The following AATF variants were observed in gnomAD, a reference collection of about 807,000 sequenced individuals.
The protein encoded by AATF is protein AATF.
AATF carries 48 observed loss-of-function variants against 63.7 expected under a neutral mutation model. That is an observed-to-expected ratio of 0.75 (90% CI 0.60 to 0.96). The LOEUF (loss-of-function observed/expected upper bound fraction) is 0.96, where lower values mean the gene tolerates loss of function less well. Among genes scored for constraint, AATF ranks in the 40% least tolerant of loss-of-function variants. The pLI is 0.00. For synonymous variants in AATF, 258 were observed against 247.7 expected (o/e 1.04, Z -0.39); for missense variants, 639 against 685.7 (o/e 0.93, Z 0.76).
chr17:36,953,719 C>T (rs1196000280), intron 3 of AATF, 51 bp from the exon 4 acceptor site: 2 of 1,584,746 alleles, frequency 1.3e-6, no homozygotes, highest in Admixed American at 3.6e-5. Context: ...GCCACCTCAC[C>T]CCCAGAATAT....
At chr17:36,953,720 C>G (rs1567962892) in intron 3 of AATF, 50 bp from the exon 4 acceptor site, 1 of 1,587,464 alleles carries the variant, frequency 6.3e-7, no homozygotes, top group Non-Finnish European at 8.6e-7. Flanking sequence ...CCACCTCACC[C>G]CCAGAATATT....
chr17:37,052,093 C>G (rs2071757121), intron 11 of AATF, among the ~76,000 whole-genome samples: 2 of 152,126 alleles, frequency 1.3e-5, no homozygotes, highest in Non-Finnish European at 1.5e-5. Flanking sequence ...GTGGACACTC[C>G]CACTGACCAT....
chr17:36,982,233 G>GTTTTTT (rs61030839), intron 4 of AATF, among the ~76,000 whole-genome samples: 1 of 121,756 alleles, frequency 8.2e-6, no homozygotes, highest in African/African-American at 2.9e-5. Context: ...TTTTTGTTTT[G>GTTTTTT]TTTTTTTTTT....
rs74971365 is a variant in AATF at position 36,986,029 on chromosome 17, C to T, written c.833-588C>T. 1.5e-3 allele frequency among the ~76,000 whole-genome samples: 227 copies of T among 152,192 alleles called. 5 individuals are homozygous for T. In the East Asian group the frequency reaches 0.04, roughly 27 times the overall value. On this transcript the variant is annotated intron_variant, in intron 4 of 11. Coordinates refer to ENST00000619387, the MANE Select transcript of AATF (RefSeq NM_012138.4). The stretch of plus-strand genomic sequence containing the variant: ...AAAGTGATTCATTAGCTTGGGTTTT[C>T]GTATGTGAACAGGAACTTTTCCATA...
intron 10 of AATF, among the ~76,000 whole-genome samples, chr17:37,022,907 C>T (rs890289985): frequency 2.0e-5 from 3 of 152,126 alleles, no homozygotes; most frequent in Admixed American, 1.3e-4. Context: ...TTTACTGACA[C>T]GTCTCTTCCG....
intron 10 of AATF, among the ~76,000 whole-genome samples, chr17:37,024,607 T>G (rs2071497432): frequency 6.6e-6 from 1 of 152,202 alleles, no homozygotes; most frequent in Non-Finnish European, 1.5e-5. Flanking sequence ...TTCTGTAGAC[T>G]GTAGTGAGTC....
At chr17:37,041,667 G>A (rs953680101) in intron 11 of AATF, among the ~76,000 whole-genome samples, 5 of 152,004 alleles carry the variant, frequency 3.3e-5, no homozygotes, top group Non-Finnish European at 7.4e-5. Context: ...TATTACACCC[G>A]GCTAATTTTG....
intron 1 of AATF, among the ~76,000 whole-genome samples, chr17:36,949,902 G>A (rs1163585954): frequency 6.6e-6 from 1 of 152,258 alleles, no homozygotes; most frequent in African/African-American, 2.4e-5. Flanking sequence ...ATGGGACAGA[G>A]TGAGGGGAGA....
rs374540075 is a variant in AATF at position 37,056,615 on chromosome 17, G to T, written c.1634G>T (p.Arg545Leu). 6.2e-7 allele frequency: 1 copy of T among 1,614,140 alleles called. No homozygotes were observed. The highest frequency in any genetic ancestry group is 1.1e-5 in the South Asian group (1 of 91,084). Reference protein sequence around the residue: ...MNDDARTELYRSLFGQLHPPD... With the variant: ...MNDDARTELYLSLFGQLHPPD... ...TTGTCTTTTAGGACAGAACTGTACC[G>T]CTCTCTTTTTGGCCAGCTCCACCCT... is the stretch of plus-strand genomic sequence containing the variant. Residue 545 changes from arginine (R) to leucine (L), a missense_variant, in exon 12 of 12, where the codon CGC becomes CTC. By Grantham distance (102) the Arg-to-Leu change is moderately radical. Transcript: ENST00000619387.
Position 37,056,573 on chromosome 17 carries a change from T to C in AATF, c.1620-28T>C, listed in dbSNP as rs763148162. 7 of 1,613,152 alleles carry C rather than the reference T, an allele frequency of 4.3e-6. No homozygotes were observed. In the Middle Eastern group the frequency reaches 6.6e-4, roughly 152 times the overall value. The stretch of plus-strand genomic sequence containing the variant: ...AACCTTGAATAGTGAACCAGTGTGT[T>C]AACCAGTTTGCTGTGTTTGTCTTTT... On this transcript the variant is annotated intron_variant, in intron 11 of 11. Coordinates refer to ENST00000619387, the MANE Select transcript of AATF (RefSeq NM_012138.4).
intron 4 of AATF, among the ~76,000 whole-genome samples, chr17:36,980,703 C>T (rs1421158485): frequency 6.6e-6 from 1 of 151,772 alleles, no homozygotes; most frequent in African/African-American, 2.4e-5. Context: ...GAGAGTCTTT[C>T]CCTCACTCTT....
At chr17:36,956,182 A>C (rs1027718485) in intron 4 of AATF, among the ~76,000 whole-genome samples, 1 of 152,174 alleles carries the variant, frequency 6.6e-6, no homozygotes, top group African/African-American at 2.4e-5. Flanking sequence ...AATTAATCTG[A>C]CAGCATCTAT....
intron 4 of AATF, among the ~76,000 whole-genome samples, chr17:36,970,874 C>T (rs1346975683): frequency 6.6e-6 from 1 of 150,820 alleles, no homozygotes; most frequent in African/African-American, 2.4e-5. Flanking sequence ...ATTGTGCACT[C>T]ATTTGCAAAA....
Position 36,988,647 on chromosome 17 carries a change from T to C in AATF, c.1076T>C (p.Phe359Ser). Reference protein sequence around the residue: ...PSFMAKRFADFTVYRNRTLQK... With the variant: ...PSFMAKRFADSTVYRNRTLQK... ...TTCATGGCAAAGCGCTTTGCCGACTTTACAGTCTACAGGAACCGCACACTT... is the reference window on the plus strand; with the variant it reads ...TTCATGGCAAAGCGCTTTGCCGACTCTACAGTCTACAGGAACCGCACACTT... Residue 359 changes from phenylalanine (F) to serine (S), a missense_variant, in exon 6 of 12, where the codon TTT becomes TCT. Transcript: ENST00000619387. 6.2e-7 allele frequency: 1 copy of C among 1,614,120 alleles called. No homozygotes were observed. Among genetic ancestry groups the C allele is most frequent in the Non-Finnish European group, 8.5e-7 (1 of 1,180,020 alleles).
intron 11 of AATF, chr17:37,055,409 C>G (rs1304609722): frequency 1.3e-5 from 2 of 152,034 alleles, no homozygotes; most frequent in African/African-American, 4.8e-5. Context: ...CTATCCATAA[C>G]TATAGTAGGG....
chr17:36,962,545 T>G (rs2070956112), intron 4 of AATF, among the ~76,000 whole-genome samples: 1 of 151,744 alleles, frequency 6.6e-6, no homozygotes, highest in Non-Finnish European at 1.5e-5. Flanking sequence ...GAGTGAGAGT[T>G]GTCTTCAGCA....
chr17:37,016,597 C>A (rs1235675161), intron 8 of AATF, among the ~76,000 whole-genome samples: 2 of 151,986 alleles, frequency 1.3e-5, no homozygotes, highest in Non-Finnish European at 2.9e-5. Flanking sequence ...ATAAAAAGCT[C>A]TAATAATTGT....
In AATF at chr17:37,031,665, T is replaced by C. The variant is rs1446215886; in HGVS notation, c.1599T>C (p.Thr533=). 3 of 1,613,970 alleles carry C rather than the reference T, an allele frequency of 1.9e-6. No individual in the cohort carries two copies. The highest frequency in any genetic ancestry group is 2.7e-5 in the African/African-American group (2 of 74,936). The change falls in exon 11 of 12, where the codon ACT becomes ACC. Residue 533 remains threonine, a synonymous_variant. Coordinates refer to ENST00000619387, the MANE Select transcript of AATF (RefSeq NM_012138.4). ...GTTTCATGGCACCTATTGACCATAC[T>C]ACAATGAATGATGATGCCAGGTGAG... ...LLSFMAPIDH[T]TMNDDARTEL... is the part of the protein sequence containing the mutation.
At chr17:37,006,159 T>C (rs2071339900) in intron 8 of AATF, among the ~76,000 whole-genome samples, 1 of 151,642 alleles carries the variant, frequency 6.6e-6, no homozygotes, top group African/African-American at 2.4e-5. Context: ...AAAAAGAGGT[T>C]TCCTTAAATT....
Sources: gnomAD v4.1 joint callset for allele counts (sites outside exome capture counted in the v4.1 genomes callset) on GRCh38, gnomAD v4.1.1 for gene constraint, MANE v1.5 for transcripts, NCBI Gene and HGNC (gene_info 2026-07-23, HGNC 2026-07-21) for gene names.